Variants in ENOX1 observed in about 807,000 individuals in gnomAD.
ENOX1 encodes the protein candidate growth-related and time keeping constitutive hydroquinone (NADH) oxidase.
In ENOX1, 42 loss-of-function variants were observed where a neutral mutation model predicts 82.5. That is an observed-to-expected ratio of 0.51 (90% CI 0.40 to 0.66). ENOX1 has a LOEUF of 0.66. Among genes scored for constraint, ENOX1 ranks in the 30% least tolerant of loss-of-function variants. The pLI is 0.00. For missense variants in ENOX1, 608 were observed against 811.6 expected (o/e 0.75, Z 3.05); for synonymous variants, 271 against 282.2 (o/e 0.96, Z 0.40).
At chr13:43,553,227 T>A (rs1294779330) in intron 2 of ENOX1, among the ~76,000 whole-genome samples, 1 of 152,150 alleles carries the variant, frequency 6.6e-6, no homozygotes, top group African/African-American at 2.4e-5. Flanking sequence ...AGGTAGCTAT[T>A]GTCATAACAC....
intron 14 of ENOX1, 37 bp downstream of exon 14, chr13:43,265,357 CGTCA>C (rs752227463): frequency 6.4e-7 from 1 of 1,574,184 alleles, no homozygotes; most frequent in Non-Finnish European, 8.7e-7. Context: ...GTTCAACCAA[CGTCA>C]AGCAAGAAGA....
At chr13:43,741,083 CT>C (rs35602155) in intron 1 of ENOX1, among the ~76,000 whole-genome samples, 77,369 of 126,912 alleles carry the variant, frequency 0.61, 23,354 homozygotes, top group South Asian at 0.8. Flanking sequence ...ATGGCTGAAA[CT>C]TTTTTTTTTT....
intron 3 of ENOX1, among the ~76,000 whole-genome samples, chr13:43,427,581 T>A (rs1407812261): frequency 1.3e-5 from 2 of 152,196 alleles, no homozygotes; most frequent in Non-Finnish European, 2.9e-5. Flanking sequence ...GTTAGTTCCA[T>A]CCCTGGGGGT....
intron 2 of ENOX1, among the ~76,000 whole-genome samples, chr13:43,635,558 A>G (rs2083382933): frequency 6.6e-6 from 1 of 152,340 alleles, no homozygotes; most frequent in Admixed American, 6.5e-5. Context: ...CTCTATTTGA[A>G]ATGTAAAAAT....
At chr13:43,278,033 A>G (rs1010347601) in intron 12 of ENOX1, among the ~76,000 whole-genome samples, 2 of 152,194 alleles carry the variant, frequency 1.3e-5, no homozygotes, top group Non-Finnish European at 2.9e-5. Flanking sequence ...ATGTAAAAAC[A>G]ATAATAAAAC....
At chr13:43,479,453 G>A (rs2058423499) in intron 3 of ENOX1, among the ~76,000 whole-genome samples, 1 of 152,130 alleles carries the variant, frequency 6.6e-6, no homozygotes, top group Non-Finnish European at 1.5e-5. Flanking sequence ...CTTCTCCTGA[G>A]GTCCAAGCCT....
rs535750726 is a variant in ENOX1, at chr13:43,219,254, C to T, written c.1800+4799G>A. 4.6e-5 allele frequency among the ~76,000 whole-genome samples: 7 copies of T among 152,278 alleles called. No individual in the cohort carries two copies. In the South Asian group the frequency reaches 8.3e-4, roughly 18 times the overall value. ...GAATCCAGCCCGGCTTTCAGAGTGA[C>T]GCATTCCCTCACTCCCAAGCATATT... is the stretch of plus-strand genomic sequence containing the variant. On this transcript the variant is annotated intron_variant, in intron 16 of 16. Transcript: ENST00000690772.
chr13:43,687,649 T>C (rs572243418), intron 1 of ENOX1, among the ~76,000 whole-genome samples: 1 of 152,316 alleles, frequency 6.6e-6, no homozygotes, highest in African/African-American at 2.4e-5. Context: ...CACTTGATAT[T>C]ACCCTACAGT....
chr13:43,440,242 A>G (rs1395507408), intron 3 of ENOX1, among the ~76,000 whole-genome samples: 1 of 152,210 alleles, frequency 6.6e-6, no homozygotes, highest in African/African-American at 2.4e-5. Flanking sequence ...CTAATGATCA[A>G]TTCTAACAGT....
chr13:43,288,977 G>A (rs1350508329), intron 12 of ENOX1, among the ~76,000 whole-genome samples: 1 of 151,972 alleles, frequency 6.6e-6, no homozygotes, highest in Non-Finnish European at 1.5e-5. Flanking sequence ...CAATAGCCAC[G>A]AAGAAGATAA....
intron 1 of ENOX1, among the ~76,000 whole-genome samples, chr13:43,780,237 AC>A (rs1952187215): frequency 6.6e-6 from 1 of 152,030 alleles, no homozygotes; most frequent in South Asian, 2.1e-4. Flanking sequence ...TAAATGCCCA[AC>A]AAATGTTTAT....
At chr13:43,466,149 C>T in intron 3 of ENOX1, among the ~76,000 whole-genome samples, 1 of 129,872 alleles carries the variant, frequency 7.7e-6, no homozygotes, top group East Asian at 2.0e-4. Context: ...GGATTCTCTA[C>T]ATATATTGTC....
chr13:43,411,743 G>A (rs541408887), intron 5 of ENOX1, among the ~76,000 whole-genome samples, 173 bp downstream of exon 5: 1 of 152,302 alleles, frequency 6.6e-6, no homozygotes, highest in South Asian at 2.1e-4. Context: ...AGGCTATTAG[G>A]CAGAAGAGAA....
At chr13:43,358,272 G>C (rs964286783) in intron 7 of ENOX1, among the ~76,000 whole-genome samples, 1 of 152,124 alleles carries the variant, frequency 6.6e-6, no homozygotes, top group Non-Finnish European at 1.5e-5. Context: ...AATCAAGTAG[G>C]GTAAAGAATA....
chr13:43,736,212 T>C (rs1326135583), intron 1 of ENOX1, among the ~76,000 whole-genome samples: 5 of 152,184 alleles, frequency 3.3e-5, no homozygotes, highest in African/African-American at 1.2e-4. Context: ...AAGAGCTTTA[T>C]TGTAAATATT....
intron 12 of ENOX1, among the ~76,000 whole-genome samples, chr13:43,279,399 T>C (rs1476421596): frequency 6.6e-6 from 1 of 152,146 alleles, no homozygotes; most frequent in Admixed American, 6.5e-5. Flanking sequence ...AAGCCTTCTA[T>C]CCTTACAACT....
At chr13:43,400,715 A>T (rs1176753062) in intron 5 of ENOX1, among the ~76,000 whole-genome samples, 1 of 152,238 alleles carries the variant, frequency 6.6e-6, no homozygotes, top group African/African-American at 2.4e-5. Context: ...TGATGTGCAT[A>T]ATAATTACAT....
chr13:43,687,270 C>T (rs2086123932), intron 1 of ENOX1, among the ~76,000 whole-genome samples: 1 of 152,124 alleles, frequency 6.6e-6, no homozygotes, highest in Non-Finnish European at 1.5e-5. Flanking sequence ...TGCTCAAGGG[C>T]TCTCTCTAAC....
intron 2 of ENOX1, among the ~76,000 whole-genome samples, chr13:43,523,426 T>C (rs10467372): frequency 0.21 from 31,261 of 151,950 alleles, 3,712 homozygotes; most frequent in Middle Eastern, 0.29. Flanking sequence ...AAACAGAGAA[T>C]AAGGGAAAGG....
Sources: gnomAD v4.1 joint callset for allele counts (sites outside exome capture counted in the v4.1 genomes callset) on GRCh38, gnomAD v4.1.1 for gene constraint, MANE v1.5 for transcripts, NCBI Gene and HGNC (gene_info 2026-07-23, HGNC 2026-07-21) for gene names.